GRAMD2B: variants seen among roughly 807,000 people sequenced by gnomAD.
GRAMD2B encodes the protein GRAM domain-containing protein 2B.
Under a neutral mutation model 59.2 loss-of-function variants are expected in GRAMD2B, and 41 were observed. The observed-to-expected ratio is 0.69, with a 90% CI of 0.54 to 0.90. The LOEUF is 0.90. GRAMD2B is among the 40% of genes least tolerant of loss of function. GRAMD2B has a pLI of 0.00. For synonymous variants in GRAMD2B, 161 were observed against 182.7 expected, an observed-to-expected ratio of 0.88 and a Z score of 0.96; for missense variants, 424 against 500.5, an observed-to-expected ratio of 0.85 and a Z score of 1.46.
rs917771804 is a variant in GRAMD2B, at chr5:126,447,861, A to AT, written c.84-17551dup. 6.2e-3 allele frequency among the ~76,000 whole-genome samples: 842 copies of AT among 135,502 alleles called. 5 individuals are homozygous for AT. Among genetic ancestry groups the AT allele is most frequent in the Non-Finnish European group, 8.6e-3 (542 of 62,898 alleles). The allele number at this position is 135,502 out of a possible 152,430, so 88.9% of individuals were successfully genotyped here. A position where few individuals can be genotyped will look rare whatever the true frequency, so the allele number is the denominator to read the frequency against. On this transcript the variant is annotated intron_variant, in intron 1 of 13. Transcript: ENST00000285689. The stretch of plus-strand genomic sequence containing the variant: ...ACAAGTAAACAGTAGCCCATTTATA[A>AT]TTTTTTTTTTTTTTAAAAAATAGTC...
In GRAMD2B at chr5:126,477,784, C is replaced by G; in HGVS notation, c.579C>G (p.Asp193Glu). The G allele has an allele frequency of 6.3e-7, 1 of 1,598,892 alleles. No homozygotes were observed. The change falls in exon 6 of 14, where the codon GAC becomes GAG. Residue 193 changes from aspartate to glutamate, a missense_variant. Physicochemically the swap from Asp to Glu is conservative, Grantham distance 45 (BLOSUM62 2). Transcript: ENST00000285689. ...PNALIIATVT[D>E]RYIFVSLLSR... ...CCCTGATCATAGCAACAGTCACAGA[C>G]AGGGTGAGTATGCAGCCGAGCGAGG... is the stretch of plus-strand genomic sequence containing the variant.
upstream of GRAMD2B, among the ~76,000 whole-genome samples, chr5:126,369,241 T>C (rs1754617099): frequency 6.6e-6 from 1 of 151,616 alleles, no homozygotes; most frequent in African/African-American, 2.4e-5. Context: ...TTTGCCTCCT[T>C]TTAACTGTAA....
chr5:126,367,412 A>G (rs906752718), upstream of GRAMD2B, among the ~76,000 whole-genome samples: 3 of 150,572 alleles, frequency 2.0e-5, no homozygotes, highest in Admixed American at 6.7e-5. Context: ...TCAATATCCA[A>G]ATCCTACACC....
intron 1 of GRAMD2B, chr5:126,433,404 T>A (rs574846043): frequency 6.6e-6 from 1 of 152,368 alleles, no homozygotes; most frequent in East Asian, 1.9e-4. Context: ...AGGGCAAAGA[T>A]GCAGAAGACA....
At chr5:126,370,473 A>ATAGCT (rs1754691994), upstream of GRAMD2B, among the ~76,000 whole-genome samples, 1 of 152,232 alleles carries the variant, frequency 6.6e-6, no homozygotes, top group Non-Finnish European at 1.5e-5. Context: ...ACTGTGGAAC[A>ATAGCT]AATCTTTCAC....
chr5:126,485,092 A>T (rs1772648391), intron 10 of GRAMD2B, among the ~76,000 whole-genome samples: 2 of 152,068 alleles, frequency 1.3e-5, no homozygotes, highest in African/African-American at 2.4e-5. Flanking sequence ...AATTTCTGTT[A>T]CTGTAACCCC....
At chr5:126,462,499 C>T in intron 1 of GRAMD2B, 1 of 956,954 alleles carries the variant, frequency 1.0e-6, no homozygotes, top group Non-Finnish European at 1.2e-6. Flanking sequence ...TTGCTTGAGC[C>T]TGTAGCATCT....
chr5:126,380,256 A>G (rs1217437506), intron 1 of GRAMD2B, among the ~76,000 whole-genome samples: 2 of 151,954 alleles, frequency 1.3e-5, no homozygotes, highest in Non-Finnish European at 2.9e-5. Flanking sequence ...ATTCTGCTCC[A>G]TTGGTCTATG....
upstream of GRAMD2B, among the ~76,000 whole-genome samples, chr5:126,367,331 A>G (rs923492594): frequency 6.6e-6 from 1 of 152,160 alleles, no homozygotes; most frequent in Non-Finnish European, 1.5e-5. Flanking sequence ...GTGTAAATTT[A>G]TATTCCATGG....
chr5:126,364,912 T>C (rs1217949786), intron 1 of GRAMD2B, among the ~76,000 whole-genome samples: 3 of 152,142 alleles, frequency 2.0e-5, no homozygotes, highest in Non-Finnish European at 4.4e-5. Context: ...GTGCTCCAGG[T>C]GTGGGAGGGA....
chr5:126,465,078 T>C (rs760510607), intron 1 of GRAMD2B: 330 of 1,117,556 alleles, frequency 3.0e-4, no homozygotes, highest in Non-Finnish European at 3.4e-4. Flanking sequence ...TGAGCGTGTG[T>C]ACATGTGCGT....
chr5:126,487,065 T>C (rs1306151242), intron 12 of GRAMD2B, 88 bp downstream of exon 12: 1 of 718,258 alleles, frequency 1.4e-6, no homozygotes, highest in Non-Finnish European at 2.5e-6. Context: ...TTAGTAAACA[T>C]TAATTGGAGA....
chr5:126,404,345 T>G (rs111689084), intron 1 of GRAMD2B, among the ~76,000 whole-genome samples: 1,525 of 152,024 alleles, frequency 0.01, 40 homozygotes, highest in African/African-American at 0.035. Context: ...GGAAGCTGTG[T>G]GTAAAAAGCA....
intron 1 of GRAMD2B, among the ~76,000 whole-genome samples, chr5:126,438,805 C>T (rs1762822146): frequency 6.6e-6 from 1 of 152,140 alleles, no homozygotes; most frequent in African/African-American, 2.4e-5. Context: ...AGTGAACAAT[C>T]ACATATATGG....
Position 126,493,155 on chromosome 5 carries a change from G to A in GRAMD2B, c.*199G>A. 1.8e-6 allele frequency: 1 copy of A among 565,864 alleles called. No individual in the cohort carries two copies. The highest frequency in any genetic ancestry group is 3.2e-6 in the Non-Finnish European group (1 of 311,750). The allele number at this position is 565,864 out of a possible 1,614,324, so 35.1% of individuals were successfully genotyped here. On this transcript the variant is annotated 3_prime_UTR_variant, in exon 14 of 14. Coordinates refer to ENST00000285689, the MANE Select transcript of GRAMD2B (RefSeq NM_023927.4). The stretch of plus-strand genomic sequence containing the variant: ...TTCTTGTGCAATAAAAGTTGACCTT[G>A]ACTCTCTGAGGAAGATTTTGCTGCT...
chr5:126,404,778 T>C (rs749675153), intron 1 of GRAMD2B, among the ~76,000 whole-genome samples: 6 of 151,930 alleles, frequency 3.9e-5, no homozygotes, highest in Non-Finnish European at 8.8e-5. Flanking sequence ...CAAAGGTGTA[T>C]AAGACACCAT....
At chr5:126,391,897 A>T (rs1756835592) in intron 1 of GRAMD2B, among the ~76,000 whole-genome samples, 1 of 152,360 alleles carries the variant, frequency 6.6e-6, no homozygotes, top group Non-Finnish European at 1.5e-5. Context: ...TGAATTTTGT[A>T]GTATAGTGAA....
chr5:126,370,290 G>A (rs945159929), upstream of GRAMD2B, among the ~76,000 whole-genome samples: 1 of 152,238 alleles, frequency 6.6e-6, no homozygotes, highest in Non-Finnish European at 1.5e-5. Context: ...GTCCCTGCCA[G>A]GTTAGCAGTT....
intron 1 of GRAMD2B, among the ~76,000 whole-genome samples, chr5:126,441,122 T>C (rs1209540148): frequency 6.6e-6 from 1 of 152,180 alleles, no homozygotes; most frequent in African/African-American, 2.4e-5. Flanking sequence ...AATGAGCGTG[T>C]ATTATGGCAG....
Sources: gnomAD v4.1 joint callset for allele counts (sites outside exome capture counted in the v4.1 genomes callset) on GRCh38, gnomAD v4.1.1 for gene constraint, MANE v1.5 for transcripts, NCBI Gene and HGNC (gene_info 2026-07-23, HGNC 2026-07-21) for gene names.